The following DPYD variants were observed in gnomAD, a reference collection of about 807,000 sequenced individuals.
DPYD encodes the protein dihydropyrimidine dehydrogenase [NADP(+)].
DPYD carries 109 observed loss-of-function variants against 116.2 expected under a neutral mutation model. The ratio of observed to expected loss-of-function variants is 0.94; its 90% CI spans 0.80 to 1.10. The LOEUF (loss-of-function observed/expected upper bound fraction) is 1.10, where lower values mean the gene tolerates loss of function less well. Ranked by LOEUF, DPYD falls within the 50% of genes least tolerant of loss-of-function variation. The pLI is 0.00. For missense variants in DPYD, 1,302 were observed against 1,254.5 expected, an observed-to-expected ratio of 1.04 and a Z score of -0.57; for synonymous variants, 440 against 432.0, an observed-to-expected ratio of 1.02 and a Z score of -0.23.
chr1:97,335,186 C>T (rs1012439427), intron 16 of DPYD, among the ~76,000 whole-genome samples: 3 of 151,976 alleles, frequency 2.0e-5, no homozygotes, highest in African/African-American at 7.3e-5. Context: ...GGAAGCAGAG[C>T]CTCCCCTCTT....
intron 13 of DPYD, among the ~76,000 whole-genome samples, chr1:97,506,175 G>A (rs1410830006): frequency 6.6e-6 from 1 of 151,986 alleles, no homozygotes; most frequent in Admixed American, 6.6e-5. Context: ...AATAGCCAAT[G>A]TAGGTATGCC....
chr1:97,176,868 ATGTG>A (rs10677535), intron 20 of DPYD, among the ~76,000 whole-genome samples: 6,093 of 146,652 alleles, frequency 0.042, 373 homozygotes, highest in African/African-American at 0.14. Flanking sequence ...GGACAAAAAA[ATGTG>A]TGTGTGTGTG....
chr1:97,498,497 T>C (rs1679398058), intron 13 of DPYD, among the ~76,000 whole-genome samples: 1 of 146,942 alleles, frequency 6.8e-6, no homozygotes, highest in South Asian at 2.1e-4. Context: ...TCTCTGTGTG[T>C]GTGTGTGTGT....
At chr1:97,879,855 T>C (rs1016410005) in intron 2 of DPYD, among the ~76,000 whole-genome samples, 3 of 151,798 alleles carry the variant, frequency 2.0e-5, no homozygotes, top group Non-Finnish European at 4.4e-5. Flanking sequence ...ATACAGTGCC[T>C]GAAATAAGAT....
intron 2 of DPYD, among the ~76,000 whole-genome samples, chr1:97,848,485 G>T (rs913016772): frequency 6.6e-6 from 1 of 152,178 alleles, no homozygotes; most frequent in African/African-American, 2.4e-5. Flanking sequence ...CTTTTAAGAG[G>T]ATGTGAAAGT....
intron 19 of DPYD, among the ~76,000 whole-genome samples, chr1:97,212,894 C>A (rs1180136426): frequency 6.6e-6 from 1 of 152,106 alleles, no homozygotes; most frequent in Non-Finnish European, 1.5e-5. Context: ...AGTAATAACA[C>A]CTGTCTTAGC....
At chr1:97,412,989 T>C (rs917985055) in intron 14 of DPYD, among the ~76,000 whole-genome samples, 3 of 152,178 alleles carry the variant, frequency 2.0e-5, no homozygotes, top group Admixed American at 1.3e-4. Context: ...GTCTCATAAA[T>C]TCTTCTAATG....
chr1:97,626,422 C>T (rs372019072), intron 8 of DPYD, among the ~76,000 whole-genome samples: 2 of 151,774 alleles, frequency 1.3e-5, no homozygotes, highest in African/African-American at 4.8e-5. Flanking sequence ...CCAATGACTA[C>T]GACTGTTTAC....
chr1:97,715,883 G>T (rs1662584632), intron 5 of DPYD, among the ~76,000 whole-genome samples: 2 of 151,972 alleles, frequency 1.3e-5, no homozygotes, highest in Non-Finnish European at 2.9e-5. Flanking sequence ...TTGTTCATTA[G>T]AATACATATG....
rs1557891129 is a variant in DPYD at position 97,699,339 on chromosome 1, T to C, written c.680+12A>G. ...TCTGACACTATAAACATGAAATAAATGTAGGCATTACCTTAAACCACCAAC... is the reference window on the plus strand; with the variant it reads ...TCTGACACTATAAACATGAAATAAACGTAGGCATTACCTTAAACCACCAAC... On this transcript the variant is annotated intron_variant, in intron 6 of 22. Coordinates refer to ENST00000370192, the MANE Select transcript of DPYD (RefSeq NM_000110.4). 5 of 1,610,958 alleles carry C rather than the reference T, an allele frequency of 3.1e-6. No homozygotes were observed. The highest frequency in any genetic ancestry group is 4.2e-6 in the Non-Finnish European group (5 of 1,177,274).
chr1:97,649,219 G>A (rs1446014211), intron 8 of DPYD, among the ~76,000 whole-genome samples: 1 of 151,980 alleles, frequency 6.6e-6, no homozygotes, highest in African/African-American at 2.4e-5. Flanking sequence ...TAATTATTCA[G>A]CCTAGAGAAG....
chr1:97,103,858 T>C (rs1404173189), intron 20 of DPYD, among the ~76,000 whole-genome samples: 1 of 152,136 alleles, frequency 6.6e-6, no homozygotes, highest in African/African-American at 2.4e-5. Context: ...TGCCTGCCAA[T>C]TTATTCCCAT....
intron 20 of DPYD, among the ~76,000 whole-genome samples, chr1:97,122,800 C>T (rs778339646): frequency 6.6e-6 from 1 of 152,076 alleles, no homozygotes. Flanking sequence ...TCTCTTTACT[C>T]CTTGCTATCT....
At chr1:97,095,886 T>C (rs2101588509) in intron 21 of DPYD, 1 of 152,180 alleles carries the variant, frequency 6.6e-6, no homozygotes, top group Non-Finnish European at 1.5e-5. Flanking sequence ...GTATGGACAT[T>C]CTGGGGAGAA....
At chr1:97,432,703 T>G (rs1675252690) in intron 14 of DPYD, among the ~76,000 whole-genome samples, 1 of 152,088 alleles carries the variant, frequency 6.6e-6, no homozygotes. Flanking sequence ...CAGTAGAAAT[T>G]TACAGAAATA....
intron 7 of DPYD, among the ~76,000 whole-genome samples, chr1:97,679,383 G>A (rs940745070): frequency 6.6e-6 from 1 of 152,022 alleles, no homozygotes; most frequent in Non-Finnish European, 1.5e-5. Flanking sequence ...TTCTATTAAG[G>A]GCTAAATGCA....
chr1:97,673,036 T>G (rs1358508744), intron 8 of DPYD, among the ~76,000 whole-genome samples: 1 of 152,124 alleles, frequency 6.6e-6, no homozygotes, highest in Admixed American at 6.6e-5. Flanking sequence ...TTAAGTGAGA[T>G]GCTGAAATGT....
intron 20 of DPYD, among the ~76,000 whole-genome samples, chr1:97,144,519 A>T (rs1374394433): frequency 6.6e-6 from 1 of 152,156 alleles, no homozygotes; most frequent in African/African-American, 2.4e-5. Context: ...ACTTTGCTAA[A>T]TTTTTTCCCC....
intron 19 of DPYD, among the ~76,000 whole-genome samples, chr1:97,193,739 T>C (rs1658552612): frequency 1.3e-5 from 2 of 152,162 alleles, no homozygotes; most frequent in African/African-American, 4.8e-5. Flanking sequence ...TCATCTGCTA[T>C]TGTTCTCCTT....
Sources: allele counts gnomAD v4.1 joint callset (sites outside exome capture counted in the v4.1 genomes callset), GRCh38; gene constraint gnomAD v4.1.1; transcripts MANE v1.5; gene names NCBI Gene and HGNC (gene_info 2026-07-23, HGNC 2026-07-21).